Variants in MED12L observed in about 807,000 individuals in gnomAD.
MED12L encodes the protein mediator of RNA polymerase II transcription subunit 12-like protein.
In MED12L, 60 loss-of-function variants were observed where a neutral mutation model predicts 281.3. The observed-to-expected ratio is 0.21, with a 90% CI of 0.17 to 0.26. MED12L has a LOEUF of 0.26. MED12L is among the 10% of genes least tolerant of loss of function. The pLI is 1.00. For synonymous variants in MED12L, 974 were observed against 987.2 expected (o/e 0.99, Z 0.25); for missense variants, 2,146 against 2,680.9 (o/e 0.80, Z 4.41).
At chr3:151,282,943 AAG>A (rs1171178879) in intron 16 of MED12L, among the ~76,000 whole-genome samples, 2 of 152,234 alleles carry the variant, frequency 1.3e-5, no homozygotes, top group Non-Finnish European at 2.9e-5. Flanking sequence ...GTAGTGGAGA[AAG>A]GGGGCAGAAA....
intron 39 of MED12L, among the ~76,000 whole-genome samples, chr3:151,399,828 T>C (rs1310094992): frequency 6.8e-6 from 1 of 147,684 alleles, no homozygotes; most frequent in African/African-American, 2.5e-5. Context: ...AATTCCTTCT[T>C]TCTTTTTTTT....
At chr3:151,370,916 A>G (rs1756101245) in intron 26 of MED12L, among the ~76,000 whole-genome samples, 1 of 152,196 alleles carries the variant, frequency 6.6e-6, no homozygotes. Flanking sequence ...CCACCTCTTC[A>G]TCCACATAAT....
chr3:151,087,111 G>C (rs546592652), intron 2 of MED12L, 86 bp downstream of exon 2: 2 of 1,123,580 alleles, frequency 1.8e-6, no homozygotes, highest in Admixed American at 5.2e-5. Context: ...GGGCATCGCC[G>C]GCGCTGCGGT....
intron 16 of MED12L, among the ~76,000 whole-genome samples, chr3:151,324,428 T>G (rs1391552909): frequency 6.6e-6 from 1 of 152,086 alleles, no homozygotes; most frequent in Non-Finnish European, 1.5e-5. Flanking sequence ...GGAAGTTTTG[T>G]AAATAACAGG....
intron 5 of MED12L, among the ~76,000 whole-genome samples, chr3:151,130,904 C>T (rs1462061326): frequency 6.6e-6 from 1 of 152,170 alleles, no homozygotes; most frequent in East Asian, 1.9e-4. Flanking sequence ...ACACAGGCTC[C>T]ATGAAGGACT....
At chr3:151,103,843 G>C (rs1330030386) in intron 2 of MED12L, among the ~76,000 whole-genome samples, 3 of 151,970 alleles carry the variant, frequency 2.0e-5, no homozygotes, top group African/African-American at 7.3e-5. Context: ...GACCTATTTG[G>C]GGCTTGCTTC....
In MED12L at chr3:151,429,332, C is replaced by T. The variant is rs75883853; in HGVS notation, c.6409-967C>T. 7.4e-3 allele frequency among the ~76,000 whole-genome samples: 1,127 copies of T among 152,290 alleles called. 17 individuals carry two copies. Among genetic ancestry groups the T allele is most frequent in the African/African-American group, 0.026 (1,096 of 41,550 alleles). The stretch of plus-strand genomic sequence containing the variant: ...GAGGAGCCAGCCTTGTTGATGCCCT[C>T]CACACAGGCAGCCTGGTGAGCACAC... On this transcript the variant is annotated intron_variant, in intron 43 of 44. Coordinates refer to ENST00000687756, the MANE Select transcript of MED12L (RefSeq NM_001393769.1).
chr3:151,225,871 C>T (rs1033586821), intron 16 of MED12L, among the ~76,000 whole-genome samples: 2 of 152,200 alleles, frequency 1.3e-5, no homozygotes, highest in African/African-American at 4.8e-5. Flanking sequence ...TTCCTGACCT[C>T]TTTGCTTGCA....
At chr3:151,149,607 AAAGT>A (rs1348381544) in intron 5 of MED12L, among the ~76,000 whole-genome samples, 1 of 152,132 alleles carries the variant, frequency 6.6e-6, no homozygotes, top group Non-Finnish European at 1.5e-5. Context: ...TTTAAGTCTT[AAAGT>A]AAGACAGTAA....
chr3:151,168,929 C>T lies in MED12L; in HGVS notation c.1494+2947C>T, dbSNP rs183441337. 1.2e-4 allele frequency among the ~76,000 whole-genome samples: 18 copies of T among 152,140 alleles called. No homozygotes were observed. The East Asian group carries it at 3.3e-3, about 28-fold the overall frequency. On this transcript the variant is annotated intron_variant, in intron 11 of 44. Coordinates refer to ENST00000687756, the MANE Select transcript of MED12L (RefSeq NM_001393769.1). ...CTCCTTGCCTCAAGTGATCCATCTG[C>T]CTTGGACTCTCAAAGTGCTGGGAGG...
intron 16 of MED12L, among the ~76,000 whole-genome samples, chr3:151,245,976 A>G (rs1735363105): frequency 6.6e-6 from 1 of 151,078 alleles, no homozygotes; most frequent in South Asian, 2.1e-4. Flanking sequence ...TACACCAGCA[A>G]CAGACAAACA....
chr3:151,217,539 C>G (rs1728485020), intron 16 of MED12L, among the ~76,000 whole-genome samples: 1 of 152,200 alleles, frequency 6.6e-6, no homozygotes, highest in Non-Finnish European at 1.5e-5. Context: ...TTACCTGCGC[C>G]CTTTCCCCAA....
At chr3:151,230,253 C>A (rs573145275) in intron 16 of MED12L, among the ~76,000 whole-genome samples, 1 of 152,218 alleles carries the variant, frequency 6.6e-6, no homozygotes, top group East Asian at 1.9e-4. Context: ...GGATTACAGG[C>A]GTGAGCCACC....
intron 42 of MED12L, 48 bp downstream of exon 42, chr3:151,413,343 C>CAA (rs1304865926): frequency 1.9e-6 from 3 of 1,558,032 alleles, no homozygotes; most frequent in Middle Eastern, 1.7e-4. Flanking sequence ...TCAGACAGTG[C>CAA]AAATATGCAA....
At chr3:151,337,612 G>A (rs1328386199) in intron 16 of MED12L, 2 of 571,496 alleles carry the variant, frequency 3.5e-6, no homozygotes, top group Admixed American at 3.4e-5. Context: ...TGCTAATACA[G>A]CTACAGTTTA....
chr3:151,228,883 G>A (rs976163573), intron 16 of MED12L, among the ~76,000 whole-genome samples: 3 of 152,106 alleles, frequency 2.0e-5, no homozygotes, highest in Non-Finnish European at 4.4e-5. Flanking sequence ...CCTATTCCCT[G>A]GGGCCAGGCA....
chr3:151,316,815 A>G (rs1051965329), intron 16 of MED12L: 1 of 152,234 alleles, frequency 6.6e-6, no homozygotes, highest in African/African-American at 2.4e-5. Context: ...CTGCCAGGCG[A>G]CTACTGGAAC....
rs1432526975 is a variant in MED12L, at chr3:151,374,099, A to G, written c.3864+1333A>G. On this transcript the variant is annotated intron_variant, in intron 27 of 44. Coordinates refer to ENST00000687756, the MANE Select transcript of MED12L (RefSeq NM_001393769.1). ...TCATATTAGTATCACCTTCTTCCCT[A>G]GTAAGAATGCTGATTCCCAAAAACG... is the stretch of plus-strand genomic sequence containing the variant. Among the ~76,000 whole-genome samples the G allele has an allele frequency of 2.0e-5, 3 of 152,302 alleles. No homozygotes were observed. The East Asian group carries it at 5.8e-4, about 29-fold the overall frequency.
At chr3:151,167,113 G>T (rs141508783) in intron 11 of MED12L, among the ~76,000 whole-genome samples, 1 of 152,266 alleles carries the variant, frequency 6.6e-6, no homozygotes, top group Non-Finnish European at 1.5e-5. Context: ...AACTAGACTG[G>T]TGTTTGACCA....
Sources: gnomAD v4.1 joint callset for allele counts (sites outside exome capture counted in the v4.1 genomes callset) on GRCh38, gnomAD v4.1.1 for gene constraint, MANE v1.5 for transcripts, NCBI Gene and HGNC (gene_info 2026-07-23, HGNC 2026-07-21) for gene names.